Variants in PPP4R2 observed in about 807,000 individuals in gnomAD.
The protein encoded by PPP4R2 is protein phosphatase 4 regulatory subunit 2.
In PPP4R2, 13 loss-of-function variants were observed where a neutral mutation model predicts 47.2. The observed-to-expected ratio is 0.28, with a 90% CI of 0.18 to 0.44. PPP4R2 has a LOEUF of 0.44. PPP4R2 is among the 20% of genes least tolerant of loss of function. PPP4R2 has a pLI of 1.00. For missense variants in PPP4R2, 421 were observed against 491.2 expected (o/e 0.86, Z 1.35); for synonymous variants, 151 against 163.3 (o/e 0.92, Z 0.57).
intron 2 of PPP4R2, among the ~76,000 whole-genome samples, chr3:73,027,317 G>A (rs1193903765): frequency 6.6e-6 from 1 of 152,114 alleles, no homozygotes; most frequent in East Asian, 1.9e-4. Context: ...TAGTAGAGAC[G>A]GGGTTTCACC....
At position 73,001,682 on chromosome 3, in the gene PPP4R2, A is replaced by C. The variant is rs577812567; in HGVS notation, c.116+3524A>C. Among the ~76,000 whole-genome samples, 4 of 152,090 alleles carry C rather than the reference A, an allele frequency of 2.6e-5. No individual in the cohort carries two copies. In the East Asian group the frequency reaches 7.7e-4, roughly 29 times the overall value. ...TTGAGATGGAGTCTCGCCCTATGCC[A>C]CACTGGATCGTAGTGGCGCGATCTC... On this transcript the variant is annotated intron_variant, in intron 2 of 8. Transcript: ENST00000356692.
intron 5 of PPP4R2, chr3:73,062,571 T>TA (rs777626754): frequency 2.5e-6 from 4 of 1,614,006 alleles, no homozygotes; most frequent in African/African-American, 1.3e-5. Flanking sequence ...GGGTACTCCT[T>TA]ATGCTAGCAG....
chr3:73,003,154 C>A (rs1435423386), intron 2 of PPP4R2, among the ~76,000 whole-genome samples: 1 of 151,930 alleles, frequency 6.6e-6, no homozygotes, highest in African/African-American at 2.4e-5. Flanking sequence ...TTTCTAGCCC[C>A]CATTTAAAAG....
chr3:73,057,170 G>A (rs532237783), intron 3 of PPP4R2, among the ~76,000 whole-genome samples: 6 of 152,132 alleles, frequency 3.9e-5, no homozygotes, highest in African/African-American at 1.4e-4. Context: ...TGGGTTTCAC[G>A]GACAGACAAT....
At chr3:73,058,658 T>A (rs1702777985) in intron 3 of PPP4R2, among the ~76,000 whole-genome samples, 1 of 152,124 alleles carries the variant, frequency 6.6e-6, no homozygotes. Flanking sequence ...ATGCTTTGTG[T>A]TACAAACAGT....
chr3:73,022,163 C>T (rs1395328279), intron 2 of PPP4R2, among the ~76,000 whole-genome samples: 1 of 151,846 alleles, frequency 6.6e-6, no homozygotes, highest in African/African-American at 2.4e-5. Flanking sequence ...TCCTAAAGTG[C>T]TGTGATTACA....
intron 2 of PPP4R2, among the ~76,000 whole-genome samples, chr3:73,023,296 T>TCTC (rs10699068): frequency 0.52 from 78,835 of 151,342 alleles, 20,802 homozygotes; most frequent in South Asian, 0.6. Flanking sequence ...TTCAAGCAAT[T>TCTC]CTGCCTCAGC....
chr3:72,997,021 AG>A lies in PPP4R2; in HGVS notation c.-14del. 7.2e-7 allele frequency: 1 copy of A among 1,389,894 alleles called. No homozygotes were observed. The highest frequency in any genetic ancestry group is 9.5e-7 in the Non-Finnish European group (1 of 1,055,868). The allele number at this position is 1,389,894 out of a possible 1,614,324, so 86.1% of individuals were successfully genotyped here. Reference sequence around the variant, plus strand: ...CCCGCGGAGGGAGGCGGAGGCTGTGAGGGACTCCGGGAAGCCATGGACGTCG... The same window carrying A: ...CCCGCGGAGGGAGGCGGAGGCTGTGAGGACTCCGGGAAGCCATGGACGTCG... On this transcript the variant is annotated 5_prime_UTR_variant, in exon 1 of 9. Coordinates refer to ENST00000356692, the MANE Select transcript of PPP4R2 (RefSeq NM_174907.4).
In PPP4R2 at chr3:73,067,564, A is replaced by C. The variant is rs977954068; in HGVS notation, c.*1842A>C. 2 of 152,154 alleles carry C rather than the reference A, an allele frequency of 1.3e-5. No individual in the cohort carries two copies. Among genetic ancestry groups the C allele is most frequent in the African/African-American group, 4.8e-5 (2 of 41,438 alleles). The allele number at this position is 152,154 out of a possible 1,614,324, so 9.4% of individuals were successfully genotyped here. A position where few individuals can be genotyped will look rare whatever the true frequency, so the allele number is the denominator to read the frequency against. ...AATTAACCATTGTAAATTTTTAAAA[A>C]ATTTTTCAAAAATGTTAAAATGAGG... On this transcript the variant is annotated 3_prime_UTR_variant, in exon 9 of 9. Transcript: ENST00000356692.
At position 73,062,321 on chromosome 3, in the gene PPP4R2, T is replaced by A. The variant is rs755195429; in HGVS notation, c.419+1261T>A. 3 of 1,604,754 alleles carry A rather than the reference T, an allele frequency of 1.9e-6. No homozygotes were observed. The South Asian group carries it at 3.4e-5, about 18-fold the overall frequency. On this transcript the variant is annotated intron_variant, in intron 5 of 8. Coordinates refer to ENST00000356692, the MANE Select transcript of PPP4R2 (RefSeq NM_174907.4). ...ACCTTCAAGGAAGATTTGAGCTATC[T>A]GGGAAAAACAGACAGTATCCACTGG...
At chr3:73,056,247 G>T (rs894159308) in intron 3 of PPP4R2, among the ~76,000 whole-genome samples, 1 of 152,132 alleles carries the variant, frequency 6.6e-6, no homozygotes, top group Non-Finnish European at 1.5e-5. Flanking sequence ...CCAGTGTCAC[G>T]CTTACTAAGC....
In PPP4R2 at chr3:73,016,304, C is replaced by T. The variant is rs570139690; in HGVS notation, c.116+18146C>T. Among the ~76,000 whole-genome samples the T allele has an allele frequency of 2.0e-5, 3 of 151,060 alleles. No individual in the cohort carries two copies. The South Asian group carries it at 6.3e-4, about 31-fold the overall frequency. On this transcript the variant is annotated intron_variant, in intron 2 of 8. Transcript: ENST00000356692. ...TTTTCAATGCCTTATAGCAGTGGTT[C>T]TAAACCAGGGCTGACAATGTCTAGA... is the stretch of plus-strand genomic sequence containing the variant.
intron 2 of PPP4R2, among the ~76,000 whole-genome samples, chr3:73,018,452 T>TGTTATGTTAC: frequency 1.0e-5 from 1 of 96,506 alleles, no homozygotes; most frequent in Non-Finnish European, 2.3e-5. Context: ...TGTTATGTTA[T>TGTTATGTTAC]TTATGTTATG....
chr3:73,052,010 TG>T (rs1461149312), intron 3 of PPP4R2, among the ~76,000 whole-genome samples: 2 of 152,232 alleles, frequency 1.3e-5, no homozygotes, highest in Non-Finnish European at 2.9e-5. Flanking sequence ...TCTGGAGAGC[TG>T]GGGTAACAGT....
At chr3:73,033,211 A>G (rs927681982) in intron 2 of PPP4R2, among the ~76,000 whole-genome samples, 1 of 152,090 alleles carries the variant, frequency 6.6e-6, no homozygotes, top group Non-Finnish European at 1.5e-5. Flanking sequence ...CTACCTACTT[A>G]TTTGATAGTC....
rs775338491 is a variant in PPP4R2, at chr3:73,021,900, AT to A, written c.116+23758del. Reference sequence around the variant, plus strand: ...TGTGTGTATATATGCATATATATATATTTTTTTTTTTTTTTTGAAACAATCT... The same window carrying A: ...TGTGTGTATATATGCATATATATATATTTTTTTTTTTTTTTGAAACAATCT... On this transcript the variant is annotated intron_variant, in intron 2 of 8. Coordinates refer to ENST00000356692, the MANE Select transcript of PPP4R2 (RefSeq NM_174907.4). Among the ~76,000 whole-genome samples the A allele has an allele frequency of 3.5e-3, 401 of 114,780 alleles. 4 individuals carry two copies. The highest frequency in any genetic ancestry group is 0.014 in the African/African-American group (385 of 28,414). The allele number at this position is 114,780 out of a possible 152,430, so 75.3% of individuals were successfully genotyped here. A position where few individuals can be genotyped will look rare whatever the true frequency, so the allele number is the denominator to read the frequency against.
rs754988583 is a variant in PPP4R2 at position 73,065,103 on chromosome 3, C to CAGAAGAGGATGA, written c.906_917dup (p.Asp304_Glu307dup). 20 of 1,613,592 alleles carry CAGAAGAGGATGA rather than the reference C, an allele frequency of 1.2e-5. No individual in the cohort carries two copies. In the East Asian group the frequency reaches 4.0e-4, roughly 32 times the overall value. On this transcript the variant is annotated inframe_insertion, in exon 8 of 9. Coordinates refer to ENST00000356692, the MANE Select transcript of PPP4R2 (RefSeq NM_174907.4). The stretch of plus-strand genomic sequence containing the variant: ...AGCCGTTGTACCCGGCAGCACTGTA[C>CAGAAGAGGATGA]AGAAGAGGATGAAGAAGAGGATGAA...
rs1553652539 is a variant in PPP4R2, at chr3:73,066,239, C to CATACATACATATATAT, written c.*520_*521insCATACATATATATATA. On this transcript the variant is annotated 3_prime_UTR_variant, in exon 9 of 9. Coordinates refer to ENST00000356692, the MANE Select transcript of PPP4R2 (RefSeq NM_174907.4). ...TGGAACTTTAAGTCATATATACATACATATATATATATATATATATATAAT... is the reference window on the plus strand; with the variant it reads ...TGGAACTTTAAGTCATATATACATACATACATACATATATATATATATATATATATATATATATAAT... 2.2e-5 allele frequency: 3 copies of CATACATACATATATAT among 134,116 alleles called. No individual in the cohort carries two copies. Among genetic ancestry groups the CATACATACATATATAT allele is most frequent in the South Asian group, 4.9e-4 (2 of 4,084 alleles). 8.3% of individuals were successfully genotyped at this position (134,116 alleles called of 1,614,324 possible).
At chr3:73,012,322 C>G (rs924405857) in intron 2 of PPP4R2, among the ~76,000 whole-genome samples, 3 of 151,696 alleles carry the variant, frequency 2.0e-5, no homozygotes, top group African/African-American at 7.3e-5. Context: ...TTTTTTGAGA[C>G]GGAGTCTTGC....
Sources: allele counts gnomAD v4.1 joint callset (sites outside exome capture counted in the v4.1 genomes callset), GRCh38; gene constraint gnomAD v4.1.1; transcripts MANE v1.5; gene names NCBI Gene and HGNC (gene_info 2026-07-23, HGNC 2026-07-21).